PEG3: variants seen among roughly 807,000 people sequenced by gnomAD.
PEG3 encodes the protein paternally expressed 3.
Under a neutral mutation model 35.5 loss-of-function variants are expected in PEG3, and 23 were observed. That is an observed-to-expected ratio of 0.65 (90% CI 0.47 to 0.92). PEG3 has a LOEUF of 0.92. Among genes scored for constraint, PEG3 ranks in the 40% least tolerant of loss-of-function variants. The probability of loss-of-function intolerance (pLI) is 0.00; values close to 1 mark genes in which losing one functional copy is unlikely to be tolerated. For missense variants in PEG3, 1,960 were observed against 1,985.3 expected (o/e 0.99, Z 0.24); for synonymous variants, 707 against 697.0 (o/e 1.01, Z -0.23).
intron 1 of PEG3, among the ~76,000 whole-genome samples, 163 bp downstream of exon 1, chr19:56,840,419 C>T (rs2062875750): frequency 6.6e-6 from 1 of 152,190 alleles, no homozygotes; most frequent in Non-Finnish European, 1.5e-5. Flanking sequence ...GACTGGGCAG[C>T]GGGCGGCCAA....
chr19:56,814,541 C>T lies in PEG3; in HGVS notation c.3901G>A (p.Val1301Ile), dbSNP rs1253910557. 13 of 1,613,670 alleles carry T rather than the reference C, an allele frequency of 8.1e-6. No homozygotes were observed. Among genetic ancestry groups the T allele is most frequent in the South Asian group, 6.6e-5 (6 of 91,030 alleles). Reference sequence around the variant, plus strand: ...TAGGGCTCATTCTTATGAACAGTTACGTGATCTGCAAGTTCTGCTGGGTTG... The same window carrying T: ...TAGGGCTCATTCTTATGAACAGTTATGTGATCTGCAAGTTCTGCTGGGTTG... ...FVNPAELADH[V>I]TVHKNEPYEY... Residue 1301 changes from valine to isoleucine, a missense_variant, in exon 10 of 10, where the codon GTA becomes ATA. Around this residue, in one of 5 missense-constraint regions of PEG3, gnomAD observed 416 missense variants for 416.7 expected, o/e 1.00. Coordinates refer to ENST00000326441, the MANE Select transcript of PEG3 (RefSeq NM_006210.3). This position sits in a 1 kb window ranked among gnomAD's most constrained non-coding sequence, Gnocchi z 5.8.
chr19:56,824,864 AC>A, intron 3 of PEG3, 123 bp from the exon 4 acceptor site: 1 of 544,510 alleles, frequency 1.8e-6, no homozygotes, highest in Middle Eastern at 4.8e-4. Context: ...AAATAGGCAA[AC>A]AACCGCACAA....
chr19:56,833,165 G>A (rs2061738739), intron 2 of PEG3: 1 of 517,462 alleles, frequency 1.9e-6, no homozygotes, highest in Admixed American at 1.9e-5. Flanking sequence ...TTGGCCTCAG[G>A]CTCCCACATC....
intron 8 of PEG3, 36 bp from the exon 9 acceptor site, chr19:56,817,871 C>G: frequency 6.5e-7 from 1 of 1,538,834 alleles, no homozygotes; most frequent in Non-Finnish European, 9.0e-7. Context: ...GCCTCAAATT[C>G]AAGTTGAGGA....
chr19:56,833,113 G>C (rs1316553317), intron 2 of PEG3: 3 of 512,094 alleles, frequency 5.9e-6, no homozygotes, highest in Non-Finnish European at 1.2e-5. Context: ...GCACTAGAAA[G>C]CGTCTGGGAC....
Position 56,815,538 on chromosome 19 carries a change from G to A in PEG3, c.2904C>T (p.Leu968=), listed in dbSNP as rs554153838. Residue 968 remains leucine, a synonymous_variant, in exon 10 of 10, where the codon CTC becomes CTT. Transcript: ENST00000326441. ...GEQTFRPRGM[L]YECQECGECF... is the part of the protein sequence containing the mutation. ...ACTCCCCACACTCCTGACATTCATAGAGCATCCCTCGAGGGCGAAATGTTT... is the reference window on the plus strand; with the variant it reads ...ACTCCCCACACTCCTGACATTCATAAAGCATCCCTCGAGGGCGAAATGTTT... The A allele has an allele frequency of 6.2e-6, 10 of 1,614,084 alleles. No homozygotes were observed. The South Asian group carries it at 7.7e-5, about 12-fold the overall frequency.
rs2048094638 is a variant in PEG3, at chr19:56,810,798, G to T, written c.*2877C>A. The T allele has an allele frequency of 1.0e-6, 1 of 972,148 alleles. No individual in the cohort carries two copies. 60.2% of individuals were successfully genotyped at this position (972,148 alleles called of 1,614,324 possible). On this transcript the variant is annotated 3_prime_UTR_variant, in exon 10 of 10. Transcript: ENST00000326441. ...GAAACAGATCAAGATGTTAGCAGTA[G>T]TTGTTAGGTGTTGGGAATATAGGTA...
In PEG3 at chr19:56,816,356, G is replaced by C. The variant is rs2146194017; in HGVS notation, c.2086C>G (p.Gln696Glu). ...DFTDGRDAFM[Q>E]SSELSEHQKI... ...TGATGCTCACTGAGCTCTGAGCTTT[G>C]CATGAAGGCATCCCGGCCATCTGTA... is the stretch of plus-strand genomic sequence containing the variant. Residue 696 changes from glutamine (Q) to glutamate (E), a missense_variant, in exon 10 of 10, where the codon CAA becomes GAA. By Grantham distance (29) the Gln-to-Glu change is conservative. This residue lies in a region of PEG3 where 798 missense variants were observed against 782.4 expected (regional missense o/e 1.02). Coordinates refer to ENST00000326441, the MANE Select transcript of PEG3 (RefSeq NM_006210.3). 2.5e-6 allele frequency: 4 copies of C among 1,614,088 alleles called. No homozygotes were observed. Among genetic ancestry groups the C allele is most frequent in the Non-Finnish European group, 3.4e-6 (4 of 1,179,978 alleles).
chr19:56,837,110 T>C (rs1433035305), intron 1 of PEG3, among the ~76,000 whole-genome samples: 1 of 151,650 alleles, frequency 6.6e-6, no homozygotes, highest in Admixed American at 6.6e-5. Flanking sequence ...GCTAGGTAAG[T>C]GAGCTCTAGG....
chr19:56,814,247 C>A lies in PEG3; in HGVS notation c.4195G>T (p.Val1399Leu). 6.2e-7 allele frequency: 1 copy of A among 1,613,536 alleles called. No homozygotes were observed. The highest frequency in any genetic ancestry group is 1.6e-4 in the Middle Eastern group (1 of 6,062). Residue 1399 changes from valine to leucine, a missense_variant, in exon 10 of 10, where the codon GTG becomes TTG. Val to Leu is a conservative substitution (Grantham distance 32, BLOSUM62 1). Around this residue, in one of 5 missense-constraint regions of PEG3, gnomAD observed 416 missense variants for 416.7 expected, o/e 1.00. Transcript: ENST00000326441. This position sits in a 1 kb window ranked among gnomAD's most constrained non-coding sequence, Gnocchi z 5.8. ...TCCACTTCTGGCTCGGCAGCCTCCA[C>A]TTCTGGCTCAGCAGCCTCTACGTTT... ...GLNVEAAEPEVEAAEPEVEAA... is the reference protein window; with the variant it reads ...GLNVEAAEPELEAAEPEVEAA...
Position 56,812,033 on chromosome 19 carries a change from G to A in PEG3, c.*1642C>T. 1.0e-6 allele frequency: 1 copy of A among 984,526 alleles called. No individual in the cohort carries two copies. Among genetic ancestry groups the A allele is most frequent in the Non-Finnish European group, 1.2e-6 (1 of 829,200 alleles). 61.0% of individuals were successfully genotyped at this position (984,526 alleles called of 1,614,324 possible). The stretch of plus-strand genomic sequence containing the variant: ...AAGCCCTAATCCTGCAGATCCAGAA[G>A]AGTAAGATTCAGACACATTTCCCCC... On this transcript the variant is annotated 3_prime_UTR_variant, in exon 10 of 10. Transcript: ENST00000326441.
In PEG3 at chr19:56,811,594, G is replaced by A. The variant is rs1713115778; in HGVS notation, c.*2081C>T. 1.0e-6 allele frequency: 1 copy of A among 985,192 alleles called. No individual in the cohort carries two copies. The highest frequency in any genetic ancestry group is 1.2e-6 in the Non-Finnish European group (1 of 829,860). The allele number at this position is 985,192 out of a possible 1,614,324, so 61.0% of individuals were successfully genotyped here. A position where few individuals can be genotyped will look rare whatever the true frequency, so the allele number is the denominator to read the frequency against. On this transcript the variant is annotated 3_prime_UTR_variant, in exon 10 of 10. Transcript: ENST00000326441. ...TACAGCAAGTTGCTTTCTGAAAAGGGGCTACCACTGCCAACAATGTTAACA... is the reference window on the plus strand; with the variant it reads ...TACAGCAAGTTGCTTTCTGAAAAGGAGCTACCACTGCCAACAATGTTAACA...
At position 56,816,863 on chromosome 19, in the gene PEG3, G is replaced by A. The variant is rs776612828; in HGVS notation, c.1579C>T (p.His527Tyr). The change falls in exon 10 of 10, where the codon CAT (histidine) becomes TAT (tyrosine). Residue 527 changes from histidine to tyrosine, a missense_variant. Transcript: ENST00000326441. ...SAALAEHRKI[H>Y]ARGYLVECKN... ...CATTCCACAAGATAACCTCTAGCAT[G>A]AATCTTCCGATGTTCAGCCAAGGCG... The A allele has an allele frequency of 6.2e-7, 1 of 1,614,084 alleles. No homozygotes were observed. The highest frequency in any genetic ancestry group is 8.5e-7 in the Non-Finnish European group (1 of 1,179,944).
chr19:56,837,881 C>G (rs1402220064), intron 1 of PEG3, among the ~76,000 whole-genome samples: 1 of 152,192 alleles, frequency 6.6e-6, no homozygotes. Context: ...CACGCTCACT[C>G]CTACAGCGCA....
rs771967809 is a variant in PEG3 at position 56,814,219 on chromosome 19, G to A, written c.4223C>T (p.Ala1408Val). ...AGCAGCCTCCACTTCTGGCTCAGCA[G>A]CCTCCACTTCTGGCTCGGCAGCCTC... ...EVEAAEPEVEAAEPEVEAAEP... is the reference protein window; with the variant it reads ...EVEAAEPEVEVAEPEVEAAEP... The change falls in exon 10 of 10, where the codon GCT becomes GTT. Residue 1408 changes from alanine to valine, a missense_variant. Physicochemically the swap from Ala to Val is moderately conservative, Grantham distance 64. Transcript: ENST00000326441. The surrounding 1 kb of genome is among the most constrained non-coding windows in gnomAD (Gnocchi z 5.8). The A allele has an allele frequency of 9.3e-6, 15 of 1,613,004 alleles. No individual in the cohort carries two copies. The Admixed American group carries it at 2.5e-4, about 27-fold the overall frequency.
chr19:56,811,369 T>C lies in PEG3; in HGVS notation c.*2306A>G, dbSNP rs1206908054. 1 of 881,974 alleles carries C rather than the reference T, an allele frequency of 1.1e-6. No homozygotes were observed. The highest frequency in any genetic ancestry group is 1.4e-6 in the Non-Finnish European group (1 of 735,924). The allele number at this position is 881,974 out of a possible 1,614,324, so 54.6% of individuals were successfully genotyped here. ...TATAAATGAACTGTTGAGTTATAAC[T>C]GTAGTATAAATATACTTTCGTGTCC... is the stretch of plus-strand genomic sequence containing the variant. On this transcript the variant is annotated 3_prime_UTR_variant, in exon 10 of 10. Transcript: ENST00000326441.
Position 56,816,709 on chromosome 19 carries a change from A to C in PEG3, c.1733T>G (p.Leu578Arg). 6.2e-7 allele frequency: 1 copy of C among 1,614,130 alleles called. No homozygotes were observed. The highest frequency in any genetic ancestry group is 8.5e-7 in the Non-Finnish European group (1 of 1,180,014). ...CKETFLHSSALIEHQKIHFGD... is the reference protein window; with the variant it reads ...CKETFLHSSARIEHQKIHFGD... Reference sequence around the variant, plus strand: ...AAAGTGGATTTTCTGGTGCTCAATCAGGGCAGAACTATGAAGGAAGGTTTC... The same window carrying C: ...AAAGTGGATTTTCTGGTGCTCAATCCGGGCAGAACTATGAAGGAAGGTTTC... The change falls in exon 10 of 10, where the codon CTG becomes CGG. Residue 578 changes from leucine (L) to arginine (R), a missense_variant. Leu to Arg is a moderately radical substitution (Grantham distance 102, BLOSUM62 -2). Transcript: ENST00000326441.
Position 56,824,203 on chromosome 19 carries a change from G to C in PEG3, c.394+59C>G. The C allele has an allele frequency of 2.5e-6, 4 of 1,571,448 alleles. No homozygotes were observed. The South Asian group carries it at 4.8e-5, about 19-fold the overall frequency. On this transcript the variant is annotated intron_variant, in intron 4 of 9. Coordinates refer to ENST00000326441, the MANE Select transcript of PEG3 (RefSeq NM_006210.3). ...ACCATGTCAGAAGTGTGGAGGCTGA[G>C]AGCCCCAGGGGACACCTGAGGCCTG... is the stretch of plus-strand genomic sequence containing the variant.
At chr19:56,818,305 TAC>T (rs2060170486) in intron 8 of PEG3, among the ~76,000 whole-genome samples, 7 of 152,276 alleles carry the variant, frequency 4.6e-5, no homozygotes, top group African/African-American at 1.7e-4. Context: ...CCTGAATGTC[TAC>T]TTAAAAACCT....
Sources: gnomAD v4.1 joint callset for allele counts (sites outside exome capture counted in the v4.1 genomes callset) on GRCh38, gnomAD v4.1.1 for gene constraint, gnomAD v4.1.1 regional missense constraint, Gnocchi (gnomAD v3.1) non-coding constraint, MANE v1.5 for transcripts, NCBI Gene and HGNC (gene_info 2026-07-23, HGNC 2026-07-21) for gene names.